Variants in CNTN4 observed in about 807,000 individuals in gnomAD.
The protein encoded by CNTN4 is contactin 4.
Under a neutral mutation model 122.5 loss-of-function variants are expected in CNTN4, and 77 were observed. The ratio of observed to expected loss-of-function variants is 0.63; its 90% CI spans 0.52 to 0.76. CNTN4 has a LOEUF of 0.76. Ranked by LOEUF, CNTN4 falls within the 30% of genes least tolerant of loss-of-function variation. The pLI is 0.00. For missense variants in CNTN4, 1,256 were observed against 1,259.1 expected (o/e 1.00, Z 0.04); for synonymous variants, 512 against 447.0 (o/e 1.15, Z -1.83).
Position 3,026,255 on chromosome 3 carries a change from A to C in CNTN4, c.1640A>C (p.Asp547Ala). The C allele has an allele frequency of 6.2e-7, 1 of 1,613,404 alleles. No homozygotes were observed. Among genetic ancestry groups the C allele is most frequent in the Non-Finnish European group, 8.5e-7 (1 of 1,179,474 alleles). Reference protein sequence around the residue: ...GHLIDFDRDGDHFERVGGQDS... With the variant: ...GHLIDFDRDGAHFERVGGQDS... ...CTGATAGACTTTGACAGAGATGGGG[A>C]CCACTTTGAAAGAGTTGGAGGGGTA... Residue 547 changes from aspartate (D) to alanine (A), a missense_variant, in exon 15 of 25, where the codon GAC becomes GCC. Physicochemically the swap from Asp to Ala is moderately radical, Grantham distance 126 (BLOSUM62 -2). Coordinates refer to ENST00000418658, the MANE Select transcript of CNTN4 (RefSeq NM_175607.3).
At chr3:2,289,391 C>G (rs1357809108) in intron 2 of CNTN4, among the ~76,000 whole-genome samples, 3 of 152,086 alleles carry the variant, frequency 2.0e-5, no homozygotes, top group Non-Finnish European at 4.4e-5. Context: ...TTAGTTTTCT[C>G]ATCTGTGAAA....
At chr3:2,259,763 A>C (rs1230524947) in intron 2 of CNTN4, among the ~76,000 whole-genome samples, 1 of 152,180 alleles carries the variant, frequency 6.6e-6, no homozygotes, top group Non-Finnish European at 1.5e-5. Context: ...TATGGGAGCT[A>C]CAATTCAAGA....
At chr3:2,362,101 A>C (rs1458702581) in intron 3 of CNTN4, among the ~76,000 whole-genome samples, 1 of 152,210 alleles carries the variant, frequency 6.6e-6, no homozygotes, top group Non-Finnish European at 1.5e-5. Flanking sequence ...CATTCAAAAA[A>C]CTGTAAGGAA....
chr3:2,778,000 G>A (rs1046735301), intron 6 of CNTN4, among the ~76,000 whole-genome samples: 11 of 151,876 alleles, frequency 7.2e-5, no homozygotes, highest in South Asian at 4.2e-4. Context: ...GGATCATGAG[G>A]TCAGGAGATC....
intron 3 of CNTN4, among the ~76,000 whole-genome samples, chr3:2,392,995 A>C (rs2150900306): frequency 6.6e-6 from 1 of 152,348 alleles, no homozygotes; most frequent in African/African-American, 2.4e-5. Context: ...TGGCTTAAAC[A>C]ACAGAAATTT....
At chr3:2,893,852 G>T (rs937916956) in intron 10 of CNTN4, among the ~76,000 whole-genome samples, 1 of 152,100 alleles carries the variant, frequency 6.6e-6, no homozygotes, top group Admixed American at 6.6e-5. Flanking sequence ...GCTTGTCTAA[G>T]CAGGAGGGCT....
intron 2 of CNTN4, among the ~76,000 whole-genome samples, chr3:2,108,229 CT>C: frequency 6.7e-6 from 1 of 148,378 alleles, no homozygotes; most frequent in Non-Finnish European, 1.5e-5. Context: ...TCTTACTGTC[CT>C]TGTCTACTGT....
intron 13 of CNTN4, among the ~76,000 whole-genome samples, chr3:2,974,695 G>T (rs1227864791): frequency 6.6e-6 from 1 of 152,226 alleles, no homozygotes; most frequent in Non-Finnish European, 1.5e-5. Context: ...AGGCAAAGAT[G>T]CAGCTGTTTT....
intron 23 of CNTN4, among the ~76,000 whole-genome samples, chr3:3,048,250 A>G (rs1700881672): frequency 6.6e-6 from 1 of 152,234 alleles, no homozygotes; most frequent in Non-Finnish European, 1.5e-5. Context: ...CACACAAAAA[A>G]ATACAATGAA....
In CNTN4 at chr3:2,632,104, G is replaced by GTATA. The variant is rs148199844; in HGVS notation, c.55+60557_55+60560dup. On this transcript the variant is annotated intron_variant, in intron 4 of 24. Coordinates refer to ENST00000418658, the MANE Select transcript of CNTN4 (RefSeq NM_175607.3). ...CACACACGTGTGTGTATGTATGTAT[G>GTATA]TATATATATATATAAACTTTGTTTA... is the stretch of plus-strand genomic sequence containing the variant. 7.4e-4 allele frequency among the ~76,000 whole-genome samples: 111 copies of GTATA among 150,482 alleles called. 2 individuals are homozygous for GTATA. In the South Asian group the frequency reaches 0.021, roughly 28 times the overall value.
At chr3:2,910,302 G>A (rs893958023) in intron 12 of CNTN4, among the ~76,000 whole-genome samples, 5 of 152,178 alleles carry the variant, frequency 3.3e-5, no homozygotes, top group African/African-American at 1.2e-4. Flanking sequence ...CTAGAATGCA[G>A]CCTAAGGCAT....
At chr3:2,404,194 A>C (rs902034896) in intron 3 of CNTN4, among the ~76,000 whole-genome samples, 3 of 152,166 alleles carry the variant, frequency 2.0e-5, no homozygotes, top group African/African-American at 7.2e-5. Flanking sequence ...AACAACACCC[A>C]TTTATTAGCT....
rs2092815442 is a variant in CNTN4 at position 2,819,489 on chromosome 3, T to C, written c.362T>C (p.Leu121Pro). 1 of 1,613,248 alleles carries C rather than the reference T, an allele frequency of 6.2e-7. No homozygotes were observed. The highest frequency in any genetic ancestry group is 8.5e-7 in the Non-Finnish European group (1 of 1,179,186). Residue 121 changes from leucine (L) to proline (P), a missense_variant, in exon 7 of 25, where the codon CTT becomes CCT. Transcript: ENST00000418658. ...TTTCCCATATTTCTCCCAACAGATCTTGACAACTTTAAAACAAGAACAAGA... is the reference window on the plus strand; with the variant it reads ...TTTCCCATATTTCTCCCAACAGATCCTGACAACTTTAAAACAAGAACAAGA... ...SREAKLQFAY[L>P]DNFKTRTRST...
At chr3:2,126,534 T>A (rs530442499) in intron 2 of CNTN4, among the ~76,000 whole-genome samples, 1 of 152,208 alleles carries the variant, frequency 6.6e-6, no homozygotes, top group Non-Finnish European at 1.5e-5. Context: ...CTTTATTTAA[T>A]CATTAGCTAA....
At chr3:2,451,999 C>G (rs138101648) in intron 3 of CNTN4, among the ~76,000 whole-genome samples, 2,261 of 152,240 alleles carry the variant, frequency 0.015, 60 homozygotes, top group African/African-American at 0.052. Flanking sequence ...TAGTGACATT[C>G]TTTGAGTTTT....
chr3:2,696,284 G>C (rs1426610928), intron 4 of CNTN4, among the ~76,000 whole-genome samples: 1 of 152,194 alleles, frequency 6.6e-6, no homozygotes, highest in Non-Finnish European at 1.5e-5. Flanking sequence ...GCATTGCTAT[G>C]AGTTGAATGT....
chr3:2,697,002 C>T (rs573939632), intron 4 of CNTN4, among the ~76,000 whole-genome samples: 140 of 152,282 alleles, frequency 9.2e-4, no homozygotes, highest in Non-Finnish European at 1.3e-3. Context: ...AATTATTCTC[C>T]TCTTTATTCA....
In CNTN4 at chr3:2,697,410, G is replaced by C. The variant is rs77623708; in HGVS notation, c.56-38805G>C. Among the ~76,000 whole-genome samples, 106 of 152,222 alleles carry C rather than the reference G, an allele frequency of 7.0e-4. No homozygotes were observed. The East Asian group carries it at 0.019, about 28-fold the overall frequency. ...TCCGTCTCTGTCTCCCAGACTTAAA[G>C]AGATCCAGGTTGGAATACTCAAAAT... On this transcript the variant is annotated intron_variant, in intron 4 of 24. Transcript: ENST00000418658.
At chr3:3,019,765 AATATATATATATATATATAT>A (rs67229453) in intron 14 of CNTN4, among the ~76,000 whole-genome samples, 1 of 138,038 alleles carries the variant, frequency 7.2e-6, no homozygotes, top group South Asian at 2.4e-4. Flanking sequence ...TGTGTACACA[AATATATATATATATATATAT>A]ATATATATAT....
Sources: allele counts gnomAD v4.1 joint callset (sites outside exome capture counted in the v4.1 genomes callset), GRCh38; gene constraint gnomAD v4.1.1; transcripts MANE v1.5; gene names NCBI Gene and HGNC (gene_info 2026-07-23, HGNC 2026-07-21).